ASTN2: variants seen among roughly 807,000 people sequenced by gnomAD.
The protein encoded by ASTN2 is astrotactin 2.
Under a neutral mutation model 139.8 loss-of-function variants are expected in ASTN2, and 54 were observed. The observed-to-expected ratio is 0.39, with a 90% CI of 0.31 to 0.48. The LOEUF (loss-of-function observed/expected upper bound fraction) is 0.48, where lower values mean the gene tolerates loss of function less well. Ranked by LOEUF, ASTN2 falls within the 20% of genes least tolerant of loss-of-function variation. The probability of loss-of-function intolerance (pLI) is 0.95; values close to 1 mark genes in which losing one functional copy is unlikely to be tolerated. For synonymous variants in ASTN2, 756 were observed against 719.5 expected, an observed-to-expected ratio of 1.05 and a Z score of -0.81; for missense variants, 1,565 against 1,725.1, an observed-to-expected ratio of 0.91 and a Z score of 1.64.
rs1044512876 is a variant in ASTN2 at position 117,254,710 on chromosome 9, A to C, written c.630+36616T>G. 2.6e-4 allele frequency among the ~76,000 whole-genome samples: 39 copies of C among 152,298 alleles called. 1 individual carries two copies. The highest frequency in any genetic ancestry group is 8.2e-4 in the African/African-American group (34 of 41,574). On this transcript the variant is annotated intron_variant, in intron 2 of 22. Coordinates refer to ENST00000313400, the MANE Select transcript of ASTN2 (RefSeq NM_001365068.1). ...TAATTAACTAAAATTTTTTCACATC[A>C]AAAAATACTAGATGTGAGTCAAGGT... is the stretch of plus-strand genomic sequence containing the variant.
chr9:116,655,068 A>G (rs1858130252), intron 16 of ASTN2, among the ~76,000 whole-genome samples: 1 of 152,210 alleles, frequency 6.6e-6, no homozygotes, highest in Non-Finnish European at 1.5e-5. Flanking sequence ...GTTTTGCCAA[A>G]GGAGGGCTAT....
chr9:116,594,599 A>T (rs1854494728), intron 19 of ASTN2, among the ~76,000 whole-genome samples: 1 of 152,172 alleles, frequency 6.6e-6, no homozygotes, highest in Admixed American at 6.5e-5. Context: ...ATGTTCAGCC[A>T]GTTAACAGTA....
intron 13 of ASTN2, among the ~76,000 whole-genome samples, chr9:116,759,254 T>A (rs1224457866): frequency 6.6e-6 from 1 of 152,202 alleles, no homozygotes. Context: ...AATGGATGAC[T>A]GAAGCATTCA....
intron 6 of ASTN2, among the ~76,000 whole-genome samples, chr9:117,024,567 T>C (rs1838000091): frequency 6.6e-6 from 1 of 152,026 alleles, no homozygotes; most frequent in Admixed American, 6.6e-5. Context: ...AATTGAGAGA[T>C]GACAAGATAG....
chr9:116,815,828 A>AAAAAAAAAAAAT (rs1554750237), intron 12 of ASTN2, among the ~76,000 whole-genome samples: 2 of 145,878 alleles, frequency 1.4e-5, no homozygotes, highest in African/African-American at 2.5e-5. Context: ...AAAAAAAAAA[A>AAAAAAAAAAAAT]GTTGATGAAA....
At chr9:116,881,744 C>G (rs80090814) in intron 10 of ASTN2, among the ~76,000 whole-genome samples, 1 of 152,164 alleles carries the variant, frequency 6.6e-6, no homozygotes, top group Non-Finnish European at 1.5e-5. Context: ...CAATTGCCTA[C>G]AAAGAGTTGG....
At chr9:116,652,488 C>G (rs1046603537) in intron 16 of ASTN2, among the ~76,000 whole-genome samples, 1 of 152,068 alleles carries the variant, frequency 6.6e-6, no homozygotes, top group Non-Finnish European at 1.5e-5. Context: ...AAAGGATATC[C>G]TTCCTTTAAA....
At chr9:117,012,896 C>T (rs1045107112) in intron 6 of ASTN2, among the ~76,000 whole-genome samples, 10 of 152,194 alleles carry the variant, frequency 6.6e-5, no homozygotes, top group South Asian at 2.1e-4. Flanking sequence ...TATGGCTATG[C>T]GCCAAGCCCT....
chr9:116,795,273 C>T (rs989085057), intron 13 of ASTN2, among the ~76,000 whole-genome samples: 4 of 152,192 alleles, frequency 2.6e-5, no homozygotes, highest in East Asian at 1.9e-4. Flanking sequence ...CCACTGCACC[C>T]GGCCTTATCA....
chr9:116,437,727 C>T (rs942815831), intron 22 of ASTN2: 51 of 382,418 alleles, frequency 1.3e-4, no homozygotes, highest in African/African-American at 6.1e-4. Context: ...ACTCACACAG[C>T]GGCTTTCATC....
At chr9:117,083,827 C>A (rs535695755) in intron 5 of ASTN2, among the ~76,000 whole-genome samples, 3 of 152,098 alleles carry the variant, frequency 2.0e-5, no homozygotes, top group Non-Finnish European at 4.4e-5. Context: ...CCTTCGATGG[C>A]GGGCTGTCAG....
At chr9:116,464,278 T>C (rs1388495381) in intron 20 of ASTN2, among the ~76,000 whole-genome samples, 1 of 152,092 alleles carries the variant, frequency 6.6e-6, no homozygotes, top group Non-Finnish European at 1.5e-5. Flanking sequence ...GTGGCACCCA[T>C]GTATGTGAAG....
At chr9:116,651,421 A>G in intron 17 of ASTN2, 107 bp downstream of exon 17, 2 of 1,253,566 alleles carry the variant, frequency 1.6e-6, no homozygotes, top group Non-Finnish European at 2.2e-6. Flanking sequence ...CATGATGATG[A>G]TATGATGATG....
At chr9:116,807,430 C>A (rs977428346) in intron 12 of ASTN2, among the ~76,000 whole-genome samples, 2 of 152,206 alleles carry the variant, frequency 1.3e-5, no homozygotes, top group South Asian at 4.1e-4. Flanking sequence ...TTCCCCTAAT[C>A]CCTGGCGTAC....
intron 1 of ASTN2, among the ~76,000 whole-genome samples, chr9:117,364,269 G>A (rs1482307338): frequency 1.3e-5 from 2 of 152,068 alleles, no homozygotes; most frequent in Non-Finnish European, 2.9e-5. Context: ...TAGCCAAGCC[G>A]ATTAATATCT....
At chr9:117,089,033 C>T (rs1828637622) in intron 5 of ASTN2, among the ~76,000 whole-genome samples, 2 of 152,220 alleles carry the variant, frequency 1.3e-5, no homozygotes, top group South Asian at 2.1e-4. Flanking sequence ...TGAGTTTGCA[C>T]ACTCCTTGCC....
intron 6 of ASTN2, among the ~76,000 whole-genome samples, chr9:117,016,656 A>ATAGGTTATATATATATGTT (rs59564628): frequency 1.9e-4 from 5 of 26,806 alleles, no homozygotes; most frequent in African/African-American, 5.0e-4. Context: ...ATATATATAT[A>ATAGGTTATATATATATGTT]ACCTATATAT....
chr9:116,610,297 C>T (rs1855468522), intron 19 of ASTN2, among the ~76,000 whole-genome samples: 1 of 152,116 alleles, frequency 6.6e-6, no homozygotes, highest in Non-Finnish European at 1.5e-5. Flanking sequence ...TAATACAAAG[C>T]AATGATAGTA....
intron 13 of ASTN2, among the ~76,000 whole-genome samples, chr9:116,763,410 A>T (rs539626283): frequency 2.6e-4 from 40 of 152,284 alleles, no homozygotes; most frequent in African/African-American, 9.4e-4. Flanking sequence ...ATTTGGAGAC[A>T]TTAGCACACC....
Sources: gnomAD v4.1 joint callset for allele counts (sites outside exome capture counted in the v4.1 genomes callset) on GRCh38, gnomAD v4.1.1 for gene constraint, MANE v1.5 for transcripts, NCBI Gene and HGNC (gene_info 2026-07-23, HGNC 2026-07-21) for gene names.